The following TNRC18 variants were observed in gnomAD, a reference collection of about 807,000 sequenced individuals.
The protein encoded by TNRC18 is trinucleotide repeat containing 18.
A neutral mutation model predicts 226.7 loss-of-function variants in TNRC18; 69 were observed. The observed-to-expected ratio is 0.30, with a 90% CI of 0.25 to 0.37. TNRC18 has a LOEUF of 0.37. Among genes scored for constraint, TNRC18 ranks in the 10% least tolerant of loss-of-function variants. TNRC18 has a pLI of 1.00. For synonymous variants in TNRC18, 2,449 were observed against 1,927.6 expected (o/e 1.27, Z -7.09); for missense variants, 4,754 against 4,256.6 (o/e 1.12, Z -3.25).
intron 10 of TNRC18, among the ~76,000 whole-genome samples, chr7:5,371,993 A>T (rs1222950400): frequency 6.6e-6 from 1 of 151,998 alleles, no homozygotes; most frequent in Non-Finnish European, 1.5e-5. Context: ...CACCTCTTGG[A>T]TTCCAACGAA....
intron 18 of TNRC18, 36 bp downstream of exon 18, chr7:5,345,526 A>AGCACCC: frequency 5.6e-6 from 1 of 177,498 alleles, no homozygotes; most frequent in Admixed American, 7.5e-5. Context: ...CGCCCCTCCC[A>AGCACCC]CCCACCCCCA....
At chr7:5,391,711 CAG>C (rs1780312567) in intron 3 of TNRC18, among the ~76,000 whole-genome samples, 1 of 151,218 alleles carries the variant, frequency 6.6e-6, no homozygotes, top group South Asian at 2.1e-4. Context: ...AGAGAGCACA[CAG>C]AGGCCAGGCA....
chr7:5,391,164 G>A (rs557785631), intron 3 of TNRC18, among the ~76,000 whole-genome samples: 3 of 151,944 alleles, frequency 2.0e-5, no homozygotes, highest in East Asian at 1.9e-4. Context: ...GAACCTCAGC[G>A]GACCCAGCAT....
rs186350454 is a variant in TNRC18, at chr7:5,327,761, T to C, written c.6148-2513A>G. Among the ~76,000 whole-genome samples, 218 of 151,386 alleles carry C rather than the reference T, an allele frequency of 1.4e-3. 1 individual carries two copies. Among genetic ancestry groups the C allele is most frequent in the African/African-American group, 4.8e-3 (200 of 41,238 alleles). The stretch of plus-strand genomic sequence containing the variant: ...ACTTTTTTGTAAAAAAAACATAAAG[T>C]AAATAAGAAAATAACTTCCGACGTG... On this transcript the variant is annotated intron_variant, in intron 19 of 29. Coordinates refer to ENST00000430969, the MANE Select transcript of TNRC18 (RefSeq NM_001080495.3).
At position 5,313,816 on chromosome 7, in the gene TNRC18, T is replaced by C. The variant is rs370308503; in HGVS notation, c.7075A>G (p.Ser2359Gly). 313 of 1,513,114 alleles carry C rather than the reference T, an allele frequency of 2.1e-4. No homozygotes were observed. The African/African-American group carries it at 3.5e-3, about 17-fold the overall frequency. 93.7% of individuals were successfully genotyped at this position (1,513,114 alleles called of 1,614,324 possible). The change falls in exon 27 of 30, where the codon AGT becomes GGT. Residue 2359 changes from serine (S) to glycine (G), a missense_variant. Transcript: ENST00000430969. ...EEGNPTDEVP[S>G]TPLALEPSST... ...CTCGGCTCCAGGGCTAAGGGGGTAC[T>C]GGGGACCTCGTCTGTTGGGTTCCCC...
At chr7:5,405,035 T>C (rs1283546642) in intron 2 of TNRC18, among the ~76,000 whole-genome samples, 2 of 151,960 alleles carry the variant, frequency 1.3e-5, no homozygotes, top group Admixed American at 6.6e-5. Flanking sequence ...GAGAACTGCT[T>C]GAACCTGGGA....
Position 5,377,316 on chromosome 7 carries a change from G to T in TNRC18, c.2461+55C>A. 2.2e-6 allele frequency: 1 copy of T among 453,414 alleles called. No individual in the cohort carries two copies. The highest frequency in any genetic ancestry group is 4.2e-6 in the Non-Finnish European group (1 of 240,316). The allele number at this position is 453,414 out of a possible 1,614,324, so 28.1% of individuals were successfully genotyped here. A position where few individuals can be genotyped will look rare whatever the true frequency, so the allele number is the denominator to read the frequency against. ...AGCCCTGAGCTCTTGTCCTGCACCC[G>T]CCCCCTCCCACCCCTCCCTCAGAGA... On this transcript the variant is annotated intron_variant, in intron 7 of 29. Coordinates refer to ENST00000430969, the MANE Select transcript of TNRC18 (RefSeq NM_001080495.3). This position sits in a 1 kb window ranked among gnomAD's most constrained non-coding sequence, Gnocchi z 5.8.
At chr7:5,389,659 TC>T (rs1051631697) in intron 4 of TNRC18, 1 of 176,876 alleles carries the variant, frequency 5.7e-6, no homozygotes, top group African/African-American at 2.4e-5. Context: ...TTCACCATGT[TC>T]GTCAGGCTGG....
rs1327743523 is a variant in TNRC18, at chr7:5,309,502, G to A, written c.8389-134C>T. On this transcript the variant is annotated intron_variant, in intron 27 of 29. Coordinates refer to ENST00000430969, the MANE Select transcript of TNRC18 (RefSeq NM_001080495.3). This position sits in a 1 kb window ranked among gnomAD's most constrained non-coding sequence, Gnocchi z 5.7. ...CCCTATCCAACTGTGGGGAGATGAG[G>A]AAGCTCCTTGTCTCGCTTCAAGTGG... 3 of 726,802 alleles carry A rather than the reference G, an allele frequency of 4.1e-6. No homozygotes were observed. Among genetic ancestry groups the A allele is most frequent in the Admixed American group, 2.9e-5 (1 of 34,388 alleles). The allele number at this position is 726,802 out of a possible 1,614,324, so 45.0% of individuals were successfully genotyped here.
chr7:5,344,919 G>GT (rs1433289520), intron 18 of TNRC18, among the ~76,000 whole-genome samples: 1 of 152,170 alleles, frequency 6.6e-6, no homozygotes, highest in African/African-American at 2.4e-5. Flanking sequence ...ATGGACCGGG[G>GT]TAAGCGCCAG....
intron 2 of TNRC18, among the ~76,000 whole-genome samples, chr7:5,418,255 T>C (rs1439734162): frequency 6.6e-6 from 1 of 152,190 alleles, no homozygotes; most frequent in Non-Finnish European, 1.5e-5. Context: ...GAATATTTTG[T>C]TCACAATGTA....
chr7:5,345,874 C>T, intron 17 of TNRC18, 64 bp from the exon 18 acceptor site: 1 of 1,488,446 alleles, frequency 6.7e-7, no homozygotes, highest in Non-Finnish European at 8.9e-7. Context: ...CCCCCCACCG[C>T]CCCCTGGCCC....
At chr7:5,315,486 G>A (rs1274612673) in intron 25 of TNRC18, among the ~76,000 whole-genome samples, 1 of 151,566 alleles carries the variant, frequency 6.6e-6, no homozygotes. Context: ...TGCAGTGGCA[G>A]GATCTCAGCT....
intron 11 of TNRC18, among the ~76,000 whole-genome samples, chr7:5,363,158 C>A (rs1583920189): frequency 6.6e-6 from 1 of 152,058 alleles, no homozygotes; most frequent in South Asian, 2.1e-4. Flanking sequence ...CAAAAACTAG[C>A]CGGGTGTAGT....
intron 25 of TNRC18, among the ~76,000 whole-genome samples, chr7:5,315,358 T>A (rs1300298380): frequency 6.6e-6 from 1 of 151,586 alleles, no homozygotes; most frequent in African/African-American, 2.4e-5. Flanking sequence ...AATAATGAAG[T>A]AAAACAAAGC....
At chr7:5,321,221 G>C (rs2128113564) in intron 21 of TNRC18, 31 bp from the exon 22 acceptor site, 4 of 1,483,698 alleles carry the variant, frequency 2.7e-6, no homozygotes, top group Non-Finnish European at 3.7e-6. Context: ...GGCGAGGCTG[G>C]AGCCGGGGGC....
At chr7:5,314,912 T>A in intron 26 of TNRC18, 72 bp downstream of exon 26, 3 of 1,477,694 alleles carry the variant, frequency 2.0e-6, no homozygotes, top group Non-Finnish European at 2.7e-6. Flanking sequence ...TTCGGCAGGT[T>A]CCCAAGCCCT....
At chr7:5,369,169 A>G (rs1478894734) in intron 11 of TNRC18, among the ~76,000 whole-genome samples, 1 of 152,050 alleles carries the variant, frequency 6.6e-6, no homozygotes, top group African/African-American at 2.4e-5. Context: ...CCAACATGGC[A>G]AAACCCCATC....
At chr7:5,373,998 G>T (rs1794393795) in intron 10 of TNRC18, 57 bp downstream of exon 10, 2 of 1,333,792 alleles carry the variant, frequency 1.5e-6, no homozygotes, top group Non-Finnish European at 1.0e-6. Flanking sequence ...AGATGGATGA[G>T]CAGTTTTACC....
Sources: allele counts gnomAD v4.1 joint callset (sites outside exome capture counted in the v4.1 genomes callset), GRCh38; gene constraint gnomAD v4.1.1; non-coding constraint Gnocchi (gnomAD v3.1); transcripts MANE v1.5; gene names NCBI Gene and HGNC (gene_info 2026-07-23, HGNC 2026-07-21).